Variants in ABCB1 observed in about 807,000 individuals in gnomAD.
The protein encoded by ABCB1 is ATP binding cassette subfamily B member 1.
Under a neutral mutation model 142.0 loss-of-function variants are expected in ABCB1, and 69 were observed. The ratio of observed to expected loss-of-function variants is 0.49; its 90% CI spans 0.40 to 0.59. ABCB1 has a LOEUF of 0.59. Ranked by LOEUF, ABCB1 falls within the 20% of genes least tolerant of loss-of-function variation. The pLI, the probability that ABCB1 is intolerant of heterozygous loss-of-function variation, is 0.00. For synonymous variants in ABCB1, 532 were observed against 539.2 expected, an observed-to-expected ratio of 0.99 and a Z score of 0.18; for missense variants, 1,326 against 1,554.7, an observed-to-expected ratio of 0.85 and a Z score of 2.47.
chr7:87,689,395 A>G (rs959344941), intron 1 of ABCB1, among the ~76,000 whole-genome samples: 1 of 152,140 alleles, frequency 6.6e-6, no homozygotes, highest in Non-Finnish European at 1.5e-5. Flanking sequence ...AGCAATTTGC[A>G]GTACTTGTAA....
At position 87,570,200 on chromosome 7, in the gene ABCB1, A is replaced by C; in HGVS notation, c.310T>G (p.Phe104Val). ...NRSDINDTGFFMNLEEDMTRY... is the reference protein window; with the variant it reads ...NRSDINDTGFVMNLEEDMTRY... Reference sequence around the variant, plus strand: ...GTCATGTCTTCCTCCAGATTCATGAAGAACCCTGTATCATTGATATCACCT... The same window carrying C: ...GTCATGTCTTCCTCCAGATTCATGACGAACCCTGTATCATTGATATCACCT... The change falls in exon 5 of 28, where the codon TTC becomes GTC. Residue 104 changes from phenylalanine (F) to valine (V), a missense_variant. By Grantham distance (50) the Phe-to-Val change is conservative (BLOSUM62 -1). Coordinates refer to ENST00000622132, the MANE Select transcript of ABCB1 (RefSeq NM_001348946.2). 1 of 1,613,208 alleles carries C rather than the reference A, an allele frequency of 6.2e-7. No homozygotes were observed. Among genetic ancestry groups the C allele is most frequent in the Non-Finnish European group, 8.5e-7 (1 of 1,179,556 alleles).
upstream of ABCB1, among the ~76,000 whole-genome samples, chr7:87,605,819 G>A (rs1469903067): frequency 6.6e-6 from 1 of 152,140 alleles, no homozygotes; most frequent in Admixed American, 6.5e-5. Flanking sequence ...TTTGATGTGT[G>A]TTTAGTATAA....
intron 27 of ABCB1, among the ~76,000 whole-genome samples, 191 bp downstream of exon 27, chr7:87,505,706 C>T (rs1375931993): frequency 6.6e-6 from 1 of 152,092 alleles, no homozygotes; most frequent in Non-Finnish European, 1.5e-5. Context: ...AGCATATGTG[C>T]TCTAAGACTA....
Position 87,652,660 on chromosome 7 carries a change from A to T in ABCB1, c.-330-51582T>A, listed in dbSNP as rs540123679. 2.7e-5 allele frequency among the ~76,000 whole-genome samples: 4 copies of T among 148,106 alleles called. No homozygotes were observed. In the South Asian group the frequency reaches 8.4e-4, roughly 31 times the overall value. Reference sequence around the variant, plus strand: ...TATATATATATAGTAGGAAGTATGAAATAATCTGTAACTTTTGAGATGAGG... The same window carrying T: ...TATATATATATAGTAGGAAGTATGATATAATCTGTAACTTTTGAGATGAGG... On this transcript the variant is annotated intron_variant, in intron 1 of 28. Coordinates refer to the ABCB1 transcript ENST00000265724.
Position 87,640,192 on chromosome 7 carries a change from G to GTATA in ABCB1, c.-330-39118_-330-39115dup, listed in dbSNP as rs772972684. Among the ~76,000 whole-genome samples, 513 of 145,446 alleles carry GTATA rather than the reference G, an allele frequency of 3.5e-3. 4 individuals carry two copies. Among genetic ancestry groups the GTATA allele is most frequent in the African/African-American group, 0.012 (481 of 39,914 alleles). ...CTAAAACATACTTATATATATATGT[G>GTATA]TATATATATATATATATTAAATCTT... On this transcript the variant is annotated intron_variant, in intron 1 of 28. Transcript: ENST00000265724.
intron 1 of ABCB1, among the ~76,000 whole-genome samples, chr7:87,642,652 T>TG (rs1445866771): frequency 6.6e-6 from 1 of 152,000 alleles, no homozygotes; most frequent in Non-Finnish European, 1.5e-5. Flanking sequence ...TTATTATACT[T>TG]GAAGTTCTAG....
intron 11 of ABCB1, 75 bp downstream of exon 11, chr7:87,550,393 T>A: frequency 1.2e-6 from 2 of 1,604,832 alleles, no homozygotes; most frequent in South Asian, 1.1e-5. Flanking sequence ...TGCACTTTTT[T>A]ATAATCTCTA....
intron 25 of ABCB1, among the ~76,000 whole-genome samples, chr7:87,511,269 G>A (rs1814995538): frequency 6.6e-6 from 1 of 152,148 alleles, no homozygotes; most frequent in Non-Finnish European, 1.5e-5. Context: ...GTGTTGGTCT[G>A]AGGAAAGACC....
rs1816666746 is a variant in ABCB1 at position 87,544,179 on chromosome 7, T to G, written c.2161A>C (p.Asn721His). 3 of 1,613,910 alleles carry G rather than the reference T, an allele frequency of 1.9e-6. No homozygotes were observed. The highest frequency in any genetic ancestry group is 2.5e-6 in the Non-Finnish European group (3 of 1,179,956). ...GCAAATGCTGGTTGCAGGCCTCCAT[T>G]TATAATGGCACAAAATACACCAACA... ...FVVGVFCAII[N>H]GGLQPAFAII... Residue 721 changes from asparagine to histidine, a missense_variant, in exon 17 of 28, where the codon AAT becomes CAT. Physicochemically the swap from Asn to His is moderately conservative, Grantham distance 68. Coordinates refer to ENST00000622132, the MANE Select transcript of ABCB1 (RefSeq NM_001348946.2).
intron 27 of ABCB1, among the ~76,000 whole-genome samples, chr7:87,504,662 G>T (rs1225728005): frequency 6.6e-6 from 1 of 152,082 alleles, no homozygotes; most frequent in Non-Finnish European, 1.5e-5. Context: ...AAAATTAGCT[G>T]GGCTTGGTGG....
At position 87,589,805 on chromosome 7, in the gene ABCB1, G is replaced by GGAGAGAGAGAGAGA. The variant is rs370840500; in HGVS notation, c.118-4139_118-4126dup. Among the ~76,000 whole-genome samples the GGAGAGAGAGAGAGA allele has an allele frequency of 8.4e-3, 884 of 105,292 alleles. 30 individuals carry two copies. The highest frequency in any genetic ancestry group is 0.033 in the African/African-American group (558 of 16,966). 69.1% of individuals were successfully genotyped at this position (105,292 alleles called of 152,430 possible). On this transcript the variant is annotated intron_variant, in intron 3 of 27. Transcript: ENST00000622132. ...AAAAAAAGAAAGAGAGAGAGAGAGAGGAGAGAGAGAGAGAGAGAGAGAGAG... is the reference window on the plus strand; with the variant it reads ...AAAAAAAGAAAGAGAGAGAGAGAGAGGAGAGAGAGAGAGAGAGAGAGAGAGAGAGAGAGAGAGAG...
intron 1 of ABCB1, among the ~76,000 whole-genome samples, chr7:87,679,261 T>G (rs569908472): frequency 6.7e-6 from 1 of 148,868 alleles, no homozygotes; most frequent in African/African-American, 2.5e-5. Flanking sequence ...CCCGGGTAAT[T>G]TTTTTGTATT....
intron 1 of ABCB1, among the ~76,000 whole-genome samples, chr7:87,688,280 T>A (rs548952553): frequency 5.9e-5 from 9 of 152,224 alleles, no homozygotes; most frequent in Admixed American, 2.0e-4. Flanking sequence ...ATAAAATGAA[T>A]CTTATATTAA....
chr7:87,657,233 A>T (rs1563108875), intron 1 of ABCB1, among the ~76,000 whole-genome samples: 1 of 152,148 alleles, frequency 6.6e-6, no homozygotes, highest in Admixed American at 6.6e-5. Context: ...TATATCCCAG[A>T]CTGGGTGTTG....
chr7:87,667,395 A>G (rs553634205), intron 1 of ABCB1, among the ~76,000 whole-genome samples: 32 of 151,024 alleles, frequency 2.1e-4, no homozygotes, highest in African/African-American at 7.8e-4. Context: ...GGCCAAGACT[A>G]TGTTTTTTTT....
At chr7:87,608,848 T>C (rs1185059849) in intron 1 of ABCB1, among the ~76,000 whole-genome samples, 1 of 152,182 alleles carries the variant, frequency 6.6e-6, no homozygotes, top group Non-Finnish European at 1.5e-5. Context: ...CAAGAAACAC[T>C]GCTAGCAGAC....
intron 1 of ABCB1, among the ~76,000 whole-genome samples, chr7:87,652,556 G>A (rs1054036372): frequency 6.7e-6 from 1 of 150,360 alleles, no homozygotes; most frequent in African/African-American, 2.5e-5. Context: ...AGTACGAATT[G>A]TGTTAATTTT....
intron 21 of ABCB1, among the ~76,000 whole-genome samples, chr7:87,527,078 A>G (rs1288790134): frequency 6.6e-6 from 1 of 152,014 alleles, no homozygotes; most frequent in African/African-American, 2.4e-5. Flanking sequence ...TTTTAATAGC[A>G]TCTAGGAACA....
intron 1 of ABCB1, among the ~76,000 whole-genome samples, chr7:87,710,107 A>G (rs919616050): frequency 6.6e-6 from 1 of 151,520 alleles, no homozygotes; most frequent in African/African-American, 2.4e-5. Flanking sequence ...GTTGTATAAA[A>G]CCTCCCACTG....
Sources: allele counts gnomAD v4.1 joint callset (sites outside exome capture counted in the v4.1 genomes callset), GRCh38; gene constraint gnomAD v4.1.1; transcripts MANE v1.5; gene names NCBI Gene and HGNC (gene_info 2026-07-23, HGNC 2026-07-21).